Variants in ZFPM2 observed in about 807,000 individuals in gnomAD.
ZFPM2 encodes the protein zinc finger protein, FOG family member 2, also known as zinc finger protein ZFPM2.
A neutral mutation model predicts 98.6 loss-of-function variants in ZFPM2; 20 were observed. The observed-to-expected ratio is 0.20, with a 90% CI of 0.14 to 0.29. The LOEUF (loss-of-function observed/expected upper bound fraction) is 0.29. ZFPM2 is among the 10% of genes least tolerant of loss of function. The probability of loss-of-function intolerance (pLI) is 1.00; values close to 1 mark genes in which losing one functional copy is unlikely to be tolerated. For missense variants in ZFPM2, 1,310 were observed against 1,388.6 expected (o/e 0.94, Z 0.90); for synonymous variants, 518 against 502.7 (o/e 1.03, Z -0.41).
At chr8:105,565,535 G>C (rs1204983121) in intron 4 of ZFPM2, among the ~76,000 whole-genome samples, 10 of 152,030 alleles carry the variant, frequency 6.6e-5, no homozygotes, top group Admixed American at 5.2e-4. Flanking sequence ...TGCTACTTTG[G>C]GAAGTTAAAT....
intron 5 of ZFPM2, among the ~76,000 whole-genome samples, chr8:105,641,032 A>G (rs1330367074): frequency 6.6e-6 from 1 of 152,040 alleles, no homozygotes; most frequent in African/African-American, 2.4e-5. Context: ...CAGAATTCCA[A>G]TATTGCTTTT....
intron 1 of ZFPM2, among the ~76,000 whole-genome samples, chr8:105,330,557 T>TATATATAC (rs1812197210): frequency 8.3e-6 from 1 of 120,822 alleles, no homozygotes; most frequent in Non-Finnish European, 1.7e-5. Context: ...TATATACATA[T>TATATATAC]ATATATATAT....
At position 105,803,667 on chromosome 8, in the gene ZFPM2, G is replaced by GACTT. The variant is rs1212881462; in HGVS notation, c.*131_*134dup. 1.1e-6 allele frequency: 1 copy of GACTT among 890,492 alleles called. No individual in the cohort carries two copies. The highest frequency in any genetic ancestry group is 1.7e-5 in the South Asian group (1 of 57,350). The allele number at this position is 890,492 out of a possible 1,614,324, so 55.2% of individuals were successfully genotyped here. ...GATAATTCATTATGGCTGAGTTGAAGACTTAAGGTGTAATTTCATTACAGT... is the reference window on the plus strand; with the variant it reads ...GATAATTCATTATGGCTGAGTTGAAGACTTACTTAAGGTGTAATTTCATTACAGT... On this transcript the variant is annotated 3_prime_UTR_variant, in exon 8 of 8. Transcript: ENST00000407775.
rs573632128 is a variant in ZFPM2, at chr8:105,407,758, A to G, written c.41-11386A>G. On this transcript the variant is annotated intron_variant, in intron 1 of 7. Transcript: ENST00000407775. Reference sequence around the variant, plus strand: ...TTAACATTGAAATAAGAACTTTACAACTTTTCCCCTTCAACAGATTTGGTA... The same window carrying G: ...TTAACATTGAAATAAGAACTTTACAGCTTTTCCCCTTCAACAGATTTGGTA... Among the ~76,000 whole-genome samples, 93 of 152,072 alleles carry G rather than the reference A, an allele frequency of 6.1e-4. No homozygotes were observed. In the South Asian group the frequency reaches 0.015, roughly 24 times the overall value.
chr8:105,793,237 C>A (rs886294762), intron 6 of ZFPM2, among the ~76,000 whole-genome samples: 1 of 151,992 alleles, frequency 6.6e-6, no homozygotes, highest in African/African-American at 2.4e-5. Flanking sequence ...TTGTTCCTTT[C>A]CATGTTTAGT....
At chr8:105,389,630 T>A (rs1811070545) in intron 1 of ZFPM2, among the ~76,000 whole-genome samples, 1 of 152,184 alleles carries the variant, frequency 6.6e-6, no homozygotes, top group African/African-American at 2.4e-5. Context: ...ACCCAGCTGG[T>A]ATATGGGGAA....
In ZFPM2 at chr8:105,634,372, G is replaced by A. The variant is rs1306211650; in HGVS notation, c.532+15G>A. ...GTACAGCAAAGGTAAATGCAAGATT[G>A]TTTCCCTCTCTCTTTGGAAGTATTA... On this transcript the variant is annotated intron_variant, in intron 5 of 7. Transcript: ENST00000407775. 2 of 1,590,760 alleles carry A rather than the reference G, an allele frequency of 1.3e-6. No homozygotes were observed. The highest frequency in any genetic ancestry group is 1.7e-5 in the Admixed American group (1 of 58,252).
chr8:105,330,216 A>G (rs1812185847), intron 1 of ZFPM2, among the ~76,000 whole-genome samples: 1 of 151,542 alleles, frequency 6.6e-6, no homozygotes, highest in African/African-American at 2.4e-5. Context: ...CTCTCTAGAA[A>G]TCCTCTATGA....
At chr8:105,353,505 CA>C (rs1438982880) in intron 1 of ZFPM2, among the ~76,000 whole-genome samples, 1 of 152,034 alleles carries the variant, frequency 6.6e-6, no homozygotes, top group African/African-American at 2.4e-5. Context: ...TCCCTGACAC[CA>C]AAAAACTATG....
At chr8:105,711,780 C>G (rs1297631152) in intron 5 of ZFPM2, among the ~76,000 whole-genome samples, 1 of 151,960 alleles carries the variant, frequency 6.6e-6, no homozygotes, top group African/African-American at 2.4e-5. Context: ...AGTTTTAGGT[C>G]TTTTCATAAA....
At chr8:105,580,837 A>G (rs1815578571) in intron 4 of ZFPM2, among the ~76,000 whole-genome samples, 2 of 147,658 alleles carry the variant, frequency 1.4e-5, no homozygotes, top group South Asian at 4.2e-4. Flanking sequence ...CTATATATAT[A>G]TATATATAAA....
chr8:105,523,162 A>G (rs1269284759), intron 3 of ZFPM2, among the ~76,000 whole-genome samples: 1 of 152,188 alleles, frequency 6.6e-6, no homozygotes, highest in East Asian at 1.9e-4. Context: ...TTAGTACAGT[A>G]CTTTGTACAT....
intron 3 of ZFPM2, among the ~76,000 whole-genome samples, chr8:105,559,655 C>T (rs1375957): frequency 0.7 from 105,798 of 151,970 alleles, 38,302 homozygotes; most frequent in African/African-American, 0.92. Flanking sequence ...TTATATACTT[C>T]AGTTTTGGTT....
intron 4 of ZFPM2, among the ~76,000 whole-genome samples, chr8:105,594,773 T>C (rs776176407): frequency 3.4e-4 from 52 of 152,124 alleles, no homozygotes; most frequent in Non-Finnish European, 6.3e-4. Context: ...TCAGCACTCA[T>C]GTTAATCATG....
At chr8:105,723,493 G>T (rs2131000025) in intron 5 of ZFPM2, among the ~76,000 whole-genome samples, 1 of 151,902 alleles carries the variant, frequency 6.6e-6, no homozygotes, top group East Asian at 2.0e-4. Flanking sequence ...AACTAATGAA[G>T]ATCCGGGTGG....
intron 5 of ZFPM2, among the ~76,000 whole-genome samples, chr8:105,717,278 A>G (rs1430974076): frequency 6.6e-6 from 1 of 151,966 alleles, no homozygotes; most frequent in Middle Eastern, 3.2e-3. Context: ...TGTTTATAGC[A>G]TACCCAACCT....
At chr8:105,356,577 T>A (rs1157031510) in intron 1 of ZFPM2, among the ~76,000 whole-genome samples, 1 of 152,218 alleles carries the variant, frequency 6.6e-6, no homozygotes, top group Non-Finnish European at 1.5e-5. Context: ...AGCCAGATGC[T>A]GTGAATATTG....
At chr8:105,320,186 T>C (rs528639944) in intron 1 of ZFPM2, among the ~76,000 whole-genome samples, 2 of 152,142 alleles carry the variant, frequency 1.3e-5, no homozygotes, top group South Asian at 2.1e-4. Flanking sequence ...AAATAAATCT[T>C]ATCAATCAAC....
intron 4 of ZFPM2, among the ~76,000 whole-genome samples, chr8:105,619,741 C>T (rs970561340): frequency 2.8e-5 from 4 of 142,388 alleles, no homozygotes; most frequent in Non-Finnish European, 6.0e-5. Context: ...TCCAAGTGTT[C>T]TTGTTGTTCA....
Sources: allele counts gnomAD v4.1 joint callset (sites outside exome capture counted in the v4.1 genomes callset), GRCh38; gene constraint gnomAD v4.1.1; transcripts MANE v1.5; gene names NCBI Gene and HGNC (gene_info 2026-07-23, HGNC 2026-07-21).